FAT4: variants seen among roughly 807,000 people sequenced by gnomAD.
FAT4 encodes FAT atypical cadherin 4, also known as protocadherin Fat 4.
FAT4 carries 84 observed loss-of-function variants against 303.9 expected under a neutral mutation model. The observed-to-expected ratio is 0.28, with a 90% CI of 0.23 to 0.33. The LOEUF (loss-of-function observed/expected upper bound fraction) is 0.33, where lower values mean the gene tolerates loss of function less well. Among genes scored for constraint, FAT4 ranks in the 10% least tolerant of loss-of-function variants. The probability of loss-of-function intolerance (pLI) is 1.00; values close to 1 mark genes in which losing one functional copy is unlikely to be tolerated. For missense variants in FAT4, 6,005 were observed against 6,146.8 expected, an observed-to-expected ratio of 0.98 and a Z score of 0.77; for synonymous variants, 2,307 against 2,298.8, an observed-to-expected ratio of 1.00 and a Z score of -0.10.
chr4:125,419,705 C>A (rs1735212480), intron 7 of FAT4, among the ~76,000 whole-genome samples: 1 of 152,140 alleles, frequency 6.6e-6, no homozygotes, highest in African/African-American at 2.4e-5. Flanking sequence ...CACCAGCTGC[C>A]ACCTTTATTT....
intron 2 of FAT4, among the ~76,000 whole-genome samples, chr4:125,366,749 T>G (rs1732901773): frequency 6.6e-6 from 1 of 152,112 alleles, no homozygotes; most frequent in Admixed American, 6.6e-5. Context: ...CTCTGAAAGC[T>G]TGCCAGCATC....
intron 8 of FAT4, among the ~76,000 whole-genome samples, chr4:125,445,769 A>G (rs1470629179): frequency 6.6e-6 from 1 of 152,150 alleles, no homozygotes; most frequent in Non-Finnish European, 1.5e-5. Context: ...ATTAATCACT[A>G]GAAAGGTCTT....
At chr4:125,373,017 AT>A (rs911983859) in intron 2 of FAT4, among the ~76,000 whole-genome samples, 1 of 152,310 alleles carries the variant, frequency 6.6e-6, no homozygotes, top group Non-Finnish European at 1.5e-5. Context: ...TAGCTTTGCC[AT>A]TTTTTAAATA....
chr4:125,489,241 G>A (rs920850612), intron 17 of FAT4, among the ~76,000 whole-genome samples: 1 of 152,180 alleles, frequency 6.6e-6, no homozygotes, highest in Non-Finnish European at 1.5e-5. Context: ...ACACTCAAGT[G>A]TAATGAAGTG....
At position 125,415,432 on chromosome 4, in the gene FAT4, G is replaced by A; in HGVS notation, c.6469G>A (p.Ala2157Thr). The change falls in exon 6 of 18, where the codon GCT becomes ACT. Residue 2157 changes from alanine to threonine, a missense_variant. By Grantham distance (58) the Ala-to-Thr change is moderately conservative. Transcript: ENST00000394329. ...TGATAACAACCCCATCTTTGCACAA[G>A]CTTTGTATAAAGTGGAGATTAATGA... ...INDNNPIFAQ[A>T]LYKVEINENT... 6.2e-7 allele frequency: 1 copy of A among 1,614,082 alleles called. No homozygotes were observed. Among genetic ancestry groups the A allele is most frequent in the South Asian group, 1.1e-5 (1 of 91,086 alleles).
At chr4:125,364,886 T>A (rs1458965583) in intron 2 of FAT4, among the ~76,000 whole-genome samples, 1 of 152,150 alleles carries the variant, frequency 6.6e-6, no homozygotes, top group East Asian at 1.9e-4. Context: ...ATCTTATTTG[T>A]GTTTCATAAA....
In FAT4 at chr4:125,321,313, T is replaced by C; in HGVS notation, c.4902T>C (p.Tyr1634=). ...LDGPVFTQPK[Y]ITILKEGEPI... ...GACCTGTTTTTACTCAACCCAAATATATAACTATTTTGAAGGAAGGAGAAC... is the reference window on the plus strand; with the variant it reads ...GACCTGTTTTTACTCAACCCAAATACATAACTATTTTGAAGGAAGGAGAAC... Residue 1634 remains tyrosine (Y), a synonymous_variant, in exon 2 of 18, where the codon TAT becomes TAC. Transcript: ENST00000394329. 1 of 1,614,076 alleles carries C rather than the reference T, an allele frequency of 6.2e-7. No individual in the cohort carries two copies. Among genetic ancestry groups the C allele is most frequent in the Middle Eastern group, 1.6e-4 (1 of 6,062 alleles).
chr4:125,320,363 T>G lies in FAT4; in HGVS notation c.3952T>G (p.Ser1318Ala), dbSNP rs1237852787. Residue 1318 changes from serine (S) to alanine (A), a missense_variant, in exon 2 of 18, where the codon TCA becomes GCA. By Grantham distance (99) the Ser-to-Ala change is moderately conservative. Coordinates refer to ENST00000394329, the MANE Select transcript of FAT4 (RefSeq NM_001291303.3). ...ENDNTPSFPK[S>A]TLFVDVLENM... ...TGACAATACCCCTTCTTTCCCTAAA[T>G]CAACACTCTTTGTTGATGTTTTGGA... 6.2e-7 allele frequency: 1 copy of G among 1,614,098 alleles called. No homozygotes were observed. Among genetic ancestry groups the G allele is most frequent in the South Asian group, 1.1e-5 (1 of 91,076 alleles).
chr4:125,463,725 C>A, intron 11 of FAT4, 58 bp downstream of exon 11: 2 of 1,257,532 alleles, frequency 1.6e-6, no homozygotes, highest in Non-Finnish European at 2.2e-6. Context: ...CACAGTTTAG[C>A]AATTTTGTTT....
At chr4:125,477,355 A>G in intron 14 of FAT4, 21 bp downstream of exon 14, 4 of 1,527,768 alleles carry the variant, frequency 2.6e-6, no homozygotes, top group Non-Finnish European at 3.5e-6. Flanking sequence ...TTTATTTCTT[A>G]CTGTTTTAAA....
intron 7 of FAT4, 30 bp from the exon 8 acceptor site, chr4:125,434,215 C>T (rs1489652795): frequency 1.3e-6 from 2 of 1,593,738 alleles, no homozygotes; most frequent in African/African-American, 1.3e-5. Flanking sequence ...TGTTTATAAA[C>T]ATTGAGACTT....
chr4:125,446,525 C>T lies in FAT4; in HGVS notation c.7432C>T (p.Pro2478Ser). 6.2e-7 allele frequency: 1 copy of T among 1,610,978 alleles called. No individual in the cohort carries two copies. The highest frequency in any genetic ancestry group is 8.5e-7 in the Non-Finnish European group (1 of 1,177,664). ...GCATCACCCATATGTCACTCACATC[C>T]CATCTCCTACTCTTCCAGGTAATCA... The part of the protein sequence containing the change: ...FQHHPYVTHI[P>S]SPTLPGSFVF... Residue 2478 changes from proline to serine, a missense_variant, in exon 9 of 18, where the codon CCA (proline) becomes TCA (serine). Coordinates refer to ENST00000394329, the MANE Select transcript of FAT4 (RefSeq NM_001291303.3).
At position 125,320,111 on chromosome 4, in the gene FAT4, G is replaced by A; in HGVS notation, c.3700G>A (p.Ala1234Thr). Residue 1234 changes from alanine (A) to threonine (T), a missense_variant, in exon 2 of 18, where the codon GCC becomes ACC. Transcript: ENST00000394329. ...TCTGACACAAGTGTTAAGAGTATCTGCCTCAGATGTTGATGAAGGTAATAA... is the reference window on the plus strand; with the variant it reads ...TCTGACACAAGTGTTAAGAGTATCTACCTCAGATGTTGATGAAGGTAATAA... ...ANLTQVLRVS[A>T]SDVDEGNNGL... 1 of 1,614,016 alleles carries A rather than the reference G, an allele frequency of 6.2e-7. No individual in the cohort carries two copies. Among genetic ancestry groups the A allele is most frequent in the Non-Finnish European group, 8.5e-7 (1 of 1,179,960 alleles).
At chr4:125,350,845 A>G (rs1732194662) in intron 2 of FAT4, among the ~76,000 whole-genome samples, 1 of 151,784 alleles carries the variant, frequency 6.6e-6, no homozygotes, top group African/African-American at 2.4e-5. Context: ...CTGAGTATCT[A>G]TTCATCTTCC....
chr4:125,449,731 A>T lies in FAT4; in HGVS notation c.8721A>T (p.Gly2907=), dbSNP rs776134225. The T allele has an allele frequency of 6.2e-7, 1 of 1,613,768 alleles. No homozygotes were observed. Among genetic ancestry groups the T allele is most frequent in the South Asian group, 1.1e-5 (1 of 91,086 alleles). The change falls in exon 10 of 18, where the codon GGA becomes GGT. Residue 2907 remains glycine, a synonymous_variant. Transcript: ENST00000394329. ...FATDPDEGSN[G]QVFYFIKSQS... ...CAGATCCTGATGAGGGATCAAATGGACAAGTGTTTTATTTCATAAAATCCC... is the reference window on the plus strand; with the variant it reads ...CAGATCCTGATGAGGGATCAAATGGTCAAGTGTTTTATTTCATAAAATCCC...
chr4:125,389,476 A>G (rs550458915), intron 2 of FAT4, among the ~76,000 whole-genome samples: 2 of 152,276 alleles, frequency 1.3e-5, no homozygotes, highest in Admixed American at 1.3e-4. Context: ...TAAAGAAAAA[A>G]ATGCACCAAA....
At chr4:125,356,452 A>G (rs1732426873) in intron 2 of FAT4, among the ~76,000 whole-genome samples, 1 of 151,902 alleles carries the variant, frequency 6.6e-6, no homozygotes. Flanking sequence ...TTATTTGACT[A>G]GCTAAAGAAA....
Position 125,317,112 on chromosome 4 carries a change from T to C in FAT4, c.701T>C (p.Leu234Pro). The change falls in exon 2 of 18, where the codon CTT becomes CCT. Residue 234 changes from leucine (L) to proline (P), a missense_variant. Coordinates refer to ENST00000394329, the MANE Select transcript of FAT4 (RefSeq NM_001291303.3). This position sits in a 1 kb window ranked among gnomAD's most constrained non-coding sequence, Gnocchi z 7.0. ...DKGEPKRRGYLQVNVTVQDIN... is the reference protein window; with the variant it reads ...DKGEPKRRGYPQVNVTVQDIN... ...GGTGAGCCTAAGCGGCGGGGCTACCTTCAGGTAAACGTGACTGTGCAAGAC... is the reference window on the plus strand; with the variant it reads ...GGTGAGCCTAAGCGGCGGGGCTACCCTCAGGTAAACGTGACTGTGCAAGAC... 1 of 1,613,766 alleles carries C rather than the reference T, an allele frequency of 6.2e-7. No homozygotes were observed. The highest frequency in any genetic ancestry group is 8.5e-7 in the Non-Finnish European group (1 of 1,180,016).
chr4:125,450,843 A>C lies in FAT4; in HGVS notation c.9833A>C (p.Glu3278Ala). 6.2e-7 allele frequency: 1 copy of C among 1,614,154 alleles called. No homozygotes were observed. The highest frequency in any genetic ancestry group is 1.1e-5 in the South Asian group (1 of 91,080). Residue 3278 changes from glutamate to alanine, a missense_variant, in exon 10 of 18, where the codon GAG (glutamate) becomes GCG (alanine). By Grantham distance (107) the Glu-to-Ala change is moderately radical. Transcript: ENST00000394329. ...GTGAAAGCCTTCAATGTCCCCGATG[A>C]GGAAAGGTGTAGCTTTGCCACTGTT... is the stretch of plus-strand genomic sequence containing the variant. ...LTVKAFNVPD[E>A]ERCSFATVNI...
Sources: gnomAD v4.1 joint callset for allele counts (sites outside exome capture counted in the v4.1 genomes callset) on GRCh38, gnomAD v4.1.1 for gene constraint, Gnocchi (gnomAD v3.1) non-coding constraint, MANE v1.5 for transcripts, NCBI Gene and HGNC (gene_info 2026-07-23, HGNC 2026-07-21) for gene names.